HEXD: variants seen among roughly 807,000 people sequenced by gnomAD.
The protein encoded by HEXD is N-acetyl-beta-galactosaminidase.
In HEXD, 47 loss-of-function variants were observed where a neutral mutation model predicts 54.2. That is an observed-to-expected ratio of 0.87 (90% CI 0.69 to 1.11). The LOEUF (loss-of-function observed/expected upper bound fraction) is 1.11, where lower values mean the gene tolerates loss of function less well. Among genes scored for constraint, HEXD ranks in the 50% least tolerant of loss-of-function variants. The pLI, the probability that HEXD is intolerant of heterozygous loss-of-function variation, is 0.00. For missense variants in HEXD, 576 were observed against 649.2 expected (o/e 0.89, Z 1.23); for synonymous variants, 293 against 287.6 (o/e 1.02, Z -0.19).
chr17:82,423,875 C>T (rs534779844), intron 2 of HEXD, among the ~76,000 whole-genome samples: 159 of 152,134 alleles, frequency 1.0e-3, no homozygotes, highest in Non-Finnish European at 1.9e-3. Flanking sequence ...GGAAGGGACC[C>T]CATGAGTACA....
In HEXD at chr17:82,436,683, G is replaced by A. The variant is rs2053778098; in HGVS notation, c.648G>A (p.Gln216=). 6.2e-7 allele frequency: 1 copy of A among 1,611,710 alleles called. No individual in the cohort carries two copies. The highest frequency in any genetic ancestry group is 8.5e-7 in the Non-Finnish European group (1 of 1,179,552). The part of the protein sequence containing the change: ...EDQLAASGVP[Q]LVEPVLWDYT... ...TGTCTGCAGCGTCCGGGGTGCCGCA[G>A]CTGGTGGAGCCGGTGCTCTGGGACT... The change falls in exon 7 of 13, where the codon CAG becomes CAA. Residue 216 remains glutamine, a synonymous_variant. Coordinates refer to ENST00000327949, the MANE Select transcript of HEXD (RefSeq NM_001330542.2).
intron 4 of HEXD, among the ~76,000 whole-genome samples, chr17:82,433,066 A>G (rs1357676014): frequency 9.8e-5 from 4 of 40,992 alleles, no homozygotes; most frequent in Admixed American, 3.4e-4. Context: ...ACTCCATCTC[A>G]AAAAAAAAAA....
chr17:82,436,836 A>T, intron 7 of HEXD, 98 bp downstream of exon 7: 1 of 1,157,904 alleles, frequency 8.6e-7, no homozygotes, highest in Non-Finnish European at 1.2e-6. Context: ...CCCAGCCTGG[A>T]GCCTGCACGG....
At chr17:82,439,003 C>T (rs1371857277) in intron 8 of HEXD, among the ~76,000 whole-genome samples, 4 of 152,244 alleles carry the variant, frequency 2.6e-5, no homozygotes, top group Admixed American at 2.6e-4. Flanking sequence ...CCTGGGGCAG[C>T]GTCTGTCACC....
chr17:82,437,771 C>T (rs956474089), intron 8 of HEXD, among the ~76,000 whole-genome samples: 1 of 152,158 alleles, frequency 6.6e-6, no homozygotes. Context: ...GAATTCAAGG[C>T]CAAGTGTGGT....
rs1387943611 is a variant in HEXD, at chr17:82,434,202, T to G, written c.447+380T>G. ...CCAGCAGTGAGCATAAGTCAGGGTG[T>G]AACTCGAGGGACACCCTTTTGTTGC... is the stretch of plus-strand genomic sequence containing the variant. On this transcript the variant is annotated intron_variant, in intron 5 of 12. Transcript: ENST00000327949. This position sits in a 1 kb window ranked among gnomAD's most constrained non-coding sequence, Gnocchi z 4.5. Among the ~76,000 whole-genome samples the G allele has an allele frequency of 6.6e-6, 1 of 152,196 alleles. No homozygotes were observed. Among genetic ancestry groups the G allele is most frequent in the East Asian group, 1.9e-4 (1 of 5,190 alleles).
rs2053797795 is a variant in HEXD, at chr17:82,437,278, C to T, written c.814C>T (p.Leu272Phe). The change falls in exon 8 of 13, where the codon CTC (leucine) becomes TTC (phenylalanine). Residue 272 changes from leucine to phenylalanine, a missense_variant. Transcript: ENST00000327949. ...GGCCGTGCCCCCTGTTGAGCACCAC[C>T]TCAGGAACCACGTGCAGTGGCTGCA... The part of the protein sequence containing the change: ...SQAVPPVEHH[L>F]RNHVQWLQVA... 1 of 1,612,446 alleles carries T rather than the reference C, an allele frequency of 6.2e-7. No homozygotes were observed. The highest frequency in any genetic ancestry group is 2.2e-5 in the East Asian group (1 of 44,874).
rs968337832 is a variant in HEXD at position 82,436,658 on chromosome 17, T to C, written c.632-9T>C. The C allele has an allele frequency of 5.6e-6, 9 of 1,607,428 alleles. No individual in the cohort carries two copies. Among genetic ancestry groups the C allele is most frequent in the Non-Finnish European group, 7.6e-6 (9 of 1,178,442 alleles). ...TGTCTCACCAACCTCACGTCCGCTC[T>C]GTCTGCAGCGTCCGGGGTGCCGCAG... On this transcript the variant is annotated splice_polypyrimidine_tract_variant and intron_variant, in intron 6 of 12. Transcript: ENST00000327949.
intron 11 of HEXD, 37 bp downstream of exon 11, chr17:82,441,303 G>T (rs1232233995): frequency 2.5e-6 from 4 of 1,579,742 alleles, no homozygotes; most frequent in Admixed American, 1.8e-5. Context: ...TGGGTGAGGG[G>T]GGCAGGCATG....
chr17:82,432,388 T>A (rs2053598675), intron 4 of HEXD, among the ~76,000 whole-genome samples: 1 of 152,084 alleles, frequency 6.6e-6, no homozygotes, highest in South Asian at 2.1e-4. Context: ...CTCCAGTTGC[T>A]GCTTCTACTG....
chr17:82,436,999 C>G, intron 7 of HEXD, 169 bp from the exon 8 acceptor site: 1 of 698,428 alleles, frequency 1.4e-6, no homozygotes, highest in East Asian at 2.6e-5. Context: ...GTCTCCCCGA[C>G]TGGGACCCGG....
chr17:82,421,659 C>A (rs2053239257), intron 2 of HEXD, among the ~76,000 whole-genome samples: 1 of 151,858 alleles, frequency 6.6e-6, no homozygotes, highest in African/African-American at 2.4e-5. Context: ...AACCCCGTCT[C>A]TACTAAGAAT....
chr17:82,427,698 TAAAG>T (rs1476495730), intron 3 of HEXD, among the ~76,000 whole-genome samples: 3 of 152,242 alleles, frequency 2.0e-5, no homozygotes, highest in African/African-American at 7.2e-5. Flanking sequence ...CAGGAATGTT[TAAAG>T]ACTTTATGTA....
chr17:82,429,089 G>A (rs1378935371), intron 4 of HEXD, among the ~76,000 whole-genome samples: 2 of 152,024 alleles, frequency 1.3e-5, no homozygotes, highest in East Asian at 1.9e-4. Context: ...GCGAAACCCC[G>A]TCTCTACTAA....
chr17:82,433,653 C>T lies in HEXD; in HGVS notation c.283-5C>T, dbSNP rs185324572. The T allele has an allele frequency of 3.1e-4, 482 of 1,571,246 alleles. No homozygotes were observed. The East Asian group carries it at 7.7e-3, about 25-fold the overall frequency. The stretch of plus-strand genomic sequence containing the variant: ...CCCAACGCGAACTTCTCTGTCTCTC[C>T]GCAGTTTGTGCTGAAGCACACGGCC... On this transcript the variant is annotated splice_polypyrimidine_tract_variant and splice_region_variant and intron_variant, in intron 4 of 12. Transcript: ENST00000327949.
chr17:82,431,051 C>G (rs928446816), intron 4 of HEXD, among the ~76,000 whole-genome samples: 1 of 150,680 alleles, frequency 6.6e-6, no homozygotes, highest in Non-Finnish European at 1.5e-5. Flanking sequence ...CAGGCTGGAG[C>G]GCGTGGTACA....
At chr17:82,420,094 AAGAC>A (rs548746343) in intron 2 of HEXD, 161 of 378,708 alleles carry the variant, frequency 4.3e-4, no homozygotes, top group African/African-American at 2.7e-3. Flanking sequence ...AAAAAAAAAA[AAGAC>A]AGAGAACAAA....
intron 1 of HEXD, 65 bp from the exon 2 acceptor site, chr17:82,419,684 T>C: frequency 1.6e-6 from 1 of 611,162 alleles, no homozygotes; most frequent in Non-Finnish European, 2.9e-6. Context: ...AAACTGAAAG[T>C]ATAAGGAGAA....
At chr17:82,424,252 G>GTT in intron 2 of HEXD, 142 bp from the exon 3 acceptor site, 1 of 665,088 alleles carries the variant, frequency 1.5e-6, no homozygotes, top group Non-Finnish European at 2.7e-6. Flanking sequence ...ACACATTCCG[G>GTT]ATTTAAGGTT....
Sources: gnomAD v4.1 joint callset for allele counts (sites outside exome capture counted in the v4.1 genomes callset) on GRCh38, gnomAD v4.1.1 for gene constraint, Gnocchi (gnomAD v3.1) non-coding constraint, MANE v1.5 for transcripts, NCBI Gene and HGNC (gene_info 2026-07-23, HGNC 2026-07-21) for gene names.